SAMMSON: variants seen among roughly 807,000 people sequenced by gnomAD.
SAMMSON encodes the protein long intergenic non-protein coding RNA 1212.
chr3:70,300,136 T>G (rs1702333564), intron 7 of SAMMSON, among the ~76,000 whole-genome samples: 1 of 152,242 alleles, frequency 6.6e-6, no homozygotes, highest in South Asian at 2.1e-4. Context: ...CATATCTTCT[T>G]TGAAATTTAT....
chr3:70,008,968 C>T (rs1323513816), intron 1 of SAMMSON, among the ~76,000 whole-genome samples: 1 of 152,126 alleles, frequency 6.6e-6, no homozygotes, highest in Non-Finnish European at 1.5e-5. Context: ...TTGAACCAGC[C>T]TTGCATCCCA....
At chr3:70,070,729 T>C (rs2067226434) in intron 3 of SAMMSON, among the ~76,000 whole-genome samples, 1 of 152,082 alleles carries the variant, frequency 6.6e-6, no homozygotes, top group Non-Finnish European at 1.5e-5. Context: ...CTCTTGATTT[T>C]TCTATGTATT....
chr3:70,368,980 A>G (rs1702943069), intron 9 of SAMMSON, among the ~76,000 whole-genome samples: 1 of 151,828 alleles, frequency 6.6e-6, no homozygotes, highest in South Asian at 2.1e-4. Context: ...CTTCCAATCC[A>G]TGAACACAGC....
chr3:70,004,596 A>G (rs2066918811), intron 1 of SAMMSON, among the ~76,000 whole-genome samples: 1 of 152,180 alleles, frequency 6.6e-6, no homozygotes, highest in Non-Finnish European at 1.5e-5. Context: ...AAATGTTAGA[A>G]ACAAAGAAAT....
chr3:70,113,614 A>G (rs2067398462), intron 4 of SAMMSON, among the ~76,000 whole-genome samples: 1 of 152,176 alleles, frequency 6.6e-6, no homozygotes, highest in African/African-American at 2.4e-5. Flanking sequence ...GTACAAGTTT[A>G]TCTCCTGCTA....
At chr3:70,299,782 T>C (rs796436221) in intron 7 of SAMMSON, among the ~76,000 whole-genome samples, 4 of 152,250 alleles carry the variant, frequency 2.6e-5, no homozygotes, top group African/African-American at 9.6e-5. Flanking sequence ...GATTCTGTTA[T>C]CTTTAGGTCC....
intron 7 of SAMMSON, among the ~76,000 whole-genome samples, chr3:70,297,022 A>G (rs923649615): frequency 6.6e-6 from 1 of 151,978 alleles, no homozygotes; most frequent in Non-Finnish European, 1.5e-5. Context: ...ATACGCACAT[A>G]CTATGGCTTA....
intron 6 of SAMMSON, among the ~76,000 whole-genome samples, chr3:70,278,791 T>C (rs1344439541): frequency 6.6e-6 from 1 of 152,032 alleles, no homozygotes; most frequent in Non-Finnish European, 1.5e-5. Context: ...ACAAAGTCAC[T>C]TATGTTTCCT....
At chr3:70,047,414 G>A (rs1444457585) in intron 3 of SAMMSON, among the ~76,000 whole-genome samples, 2 of 149,844 alleles carry the variant, frequency 1.3e-5, no homozygotes, top group South Asian at 2.1e-4. Context: ...TCGGCTCACT[G>A]CAACCTCTGC....
At chr3:70,197,611 GT>G (rs1352481290) in intron 4 of SAMMSON, among the ~76,000 whole-genome samples, 2 of 152,176 alleles carry the variant, frequency 1.3e-5, no homozygotes, top group African/African-American at 4.8e-5. Context: ...CAAATGCCCT[GT>G]TTCTTGTCAC....
intron 9 of SAMMSON, among the ~76,000 whole-genome samples, chr3:70,373,792 A>T (rs1255501520): frequency 3.9e-5 from 6 of 152,132 alleles, no homozygotes; most frequent in Admixed American, 3.9e-4. Context: ...TCAGTTTAAA[A>T]TTTTTCATTT....
chr3:70,145,077 C>T (rs1305410819), intron 4 of SAMMSON, among the ~76,000 whole-genome samples: 1 of 152,096 alleles, frequency 6.6e-6, no homozygotes, highest in South Asian at 2.1e-4. Context: ...TTGCTCCCTT[C>T]TTCTTCATTC....
At chr3:70,261,948 C>T (rs577276564) in intron 6 of SAMMSON, among the ~76,000 whole-genome samples, 5 of 152,282 alleles carry the variant, frequency 3.3e-5, no homozygotes, top group East Asian at 3.9e-4. Context: ...AGCCCTTGAA[C>T]TCTGCCCTGC....
At chr3:70,002,189 A>G (rs2066908605) in intron 1 of SAMMSON, among the ~76,000 whole-genome samples, 2 of 152,214 alleles carry the variant, frequency 1.3e-5, no homozygotes, top group South Asian at 4.1e-4. Flanking sequence ...ATTCTTGCAT[A>G]TCCACCTTTG....
At chr3:70,381,416 T>G (rs761094647) in intron 9 of SAMMSON, among the ~76,000 whole-genome samples, 2 of 152,150 alleles carry the variant, frequency 1.3e-5, no homozygotes, top group Non-Finnish European at 2.9e-5. Flanking sequence ...GAAAGACAAA[T>G]GGACAACTGC....
chr3:70,080,035 C>T (rs1490080833), intron 4 of SAMMSON, among the ~76,000 whole-genome samples: 3 of 152,220 alleles, frequency 2.0e-5, no homozygotes, highest in Non-Finnish European at 4.4e-5. Flanking sequence ...CATGGCTAGA[C>T]TTTGCCTGGG....
At chr3:70,124,714 C>G (rs2067448492) in intron 4 of SAMMSON, among the ~76,000 whole-genome samples, 1 of 145,998 alleles carries the variant, frequency 6.8e-6, no homozygotes, top group Non-Finnish European at 1.5e-5. Flanking sequence ...ACTTGGGAGG[C>G]TGAGGCAGGA....
intron 4 of SAMMSON, chr3:70,183,461 T>G (rs1157535150): frequency 6.6e-6 from 1 of 152,200 alleles, no homozygotes; most frequent in African/African-American, 2.4e-5. Context: ...TTGTTGAATA[T>G]GCGACTGAAC....
At chr3:70,334,320 A>G (rs1357266) in intron 7 of SAMMSON, among the ~76,000 whole-genome samples, 94,132 of 151,840 alleles carry the variant, frequency 0.62, 29,600 homozygotes, top group Admixed American at 0.68. Flanking sequence ...TATTTCCACT[A>G]TTATTAATTG....
Sources: gnomAD v4.1 joint callset for allele counts (sites outside exome capture counted in the v4.1 genomes callset) on GRCh38, gnomAD v4.1.1 for gene constraint, MANE v1.5 for transcripts, NCBI Gene and HGNC (gene_info 2026-07-23, HGNC 2026-07-21) for gene names.